The following PRSS23 variants were observed in gnomAD, a reference collection of about 807,000 sequenced individuals.
The protein encoded by PRSS23 is serine protease 23, also known as protease, serine 23.
In PRSS23, 25 loss-of-function variants were observed where a neutral mutation model predicts 34.7. The observed-to-expected ratio is 0.72, with a 90% CI of 0.53 to 1.01. The LOEUF (loss-of-function observed/expected upper bound fraction) is 1.01. Among genes scored for constraint, PRSS23 ranks in the 50% least tolerant of loss-of-function variants. The pLI is 0.00. For synonymous variants in PRSS23, 176 were observed against 186.6 expected (o/e 0.94, Z 0.46); for missense variants, 445 against 475.6 (o/e 0.94, Z 0.60).
At chr11:86,825,999 T>G (rs1948297357) in intron 2 of PRSS23, among the ~76,000 whole-genome samples, 1 of 152,204 alleles carries the variant, frequency 6.6e-6, no homozygotes, top group Non-Finnish European at 1.5e-5. Context: ...TAAAGTAGTT[T>G]TTTCCAATTC....
chr11:86,832,780 C>T lies in PRSS23; in HGVS notation c.206+9187C>T, dbSNP rs146237796. On this transcript the variant is annotated intron_variant, in intron 2 of 2. Transcript: ENST00000533902. ...TCCCACCTGATGATGAAACACTCAG[C>T]ATGGAGGAAACAATTTTATAGTAAG... 1.6e-3 allele frequency: 460 copies of T among 293,974 alleles called. 1 individual carries two copies. Among genetic ancestry groups the T allele is most frequent in the African/African-American group, 9.5e-3 (430 of 45,252 alleles). The allele number at this position is 293,974 out of a possible 1,614,324, so 18.2% of individuals were successfully genotyped here. A position where few individuals can be genotyped will look rare whatever the true frequency, so the allele number is the denominator to read the frequency against.
chr11:86,917,469 T>TGG (rs1949021149), intron 2 of PRSS23, among the ~76,000 whole-genome samples: 1 of 152,236 alleles, frequency 6.6e-6, no homozygotes, highest in Non-Finnish European at 1.5e-5. Flanking sequence ...ATCACTGATT[T>TGG]TCAGTTTCCT....
At chr11:86,875,296 G>A (rs557354056) in intron 2 of PRSS23, among the ~76,000 whole-genome samples, 7 of 152,256 alleles carry the variant, frequency 4.6e-5, no homozygotes, top group Admixed American at 3.9e-4. Flanking sequence ...ACTTGAACCC[G>A]GGAGGTGGAG....
chr11:86,905,605 G>A (rs1356895637), intron 2 of PRSS23, among the ~76,000 whole-genome samples: 1 of 152,222 alleles, frequency 6.6e-6, no homozygotes, highest in Admixed American at 6.5e-5. Flanking sequence ...AAGCTACCCT[G>A]AAAGGCATAA....
chr11:86,892,997 G>A (rs777682106), intron 2 of PRSS23, among the ~76,000 whole-genome samples: 13 of 152,250 alleles, frequency 8.5e-5, no homozygotes, highest in Middle Eastern at 6.8e-3. Context: ...ATATAATTTA[G>A]GTAAAGATCA....
chr11:86,894,005 T>A (rs995692246), intron 2 of PRSS23, among the ~76,000 whole-genome samples: 3 of 152,142 alleles, frequency 2.0e-5, no homozygotes, highest in Non-Finnish European at 2.9e-5. Context: ...CTTCCGTTTT[T>A]GTTTGTTTGT....
intron 1 of PRSS23, chr11:86,821,063 T>C (rs1349711283): frequency 2.9e-5 from 8 of 275,044 alleles, no homozygotes; most frequent in African/African-American, 1.2e-4. Flanking sequence ...GGATACATGA[T>C]TGATGTGTCT....
chr11:86,944,610 C>G (rs1435362102), intron 2 of PRSS23, among the ~76,000 whole-genome samples: 1 of 151,964 alleles, frequency 6.6e-6, no homozygotes, highest in Non-Finnish European at 1.5e-5. Context: ...TTCAGAAATG[C>G]CAGGAGAATA....
At chr11:86,861,077 G>A (rs1948609948) in intron 2 of PRSS23, among the ~76,000 whole-genome samples, 1 of 151,850 alleles carries the variant, frequency 6.6e-6, no homozygotes. Flanking sequence ...TGTTTAACGG[G>A]AAAGATAATA....
intron 2 of PRSS23, among the ~76,000 whole-genome samples, chr11:86,830,896 A>G (rs1053257253): frequency 2.0e-5 from 3 of 151,722 alleles, no homozygotes; most frequent in Admixed American, 2.0e-4. Context: ...ACATCATTTG[A>G]AATATTCTAT....
At chr11:86,797,939 A>C (rs1947991987), upstream of PRSS23, among the ~76,000 whole-genome samples, 1 of 152,248 alleles carries the variant, frequency 6.6e-6, no homozygotes, top group African/African-American at 2.4e-5. Context: ...CCCCATAGTC[A>C]GATGCCACAG....
At chr11:86,903,793 C>G (rs1202207166) in intron 2 of PRSS23, among the ~76,000 whole-genome samples, 1 of 152,066 alleles carries the variant, frequency 6.6e-6, no homozygotes, top group Non-Finnish European at 1.5e-5. Flanking sequence ...TACATATAAT[C>G]TTTTAAAATC....
At chr11:86,888,506 A>C (rs1590914457) in intron 2 of PRSS23, among the ~76,000 whole-genome samples, 1 of 152,338 alleles carries the variant, frequency 6.6e-6, no homozygotes, top group Non-Finnish European at 1.5e-5. Context: ...GGTCCTTTGA[A>C]TTCACATGTC....
rs2135041698 is a variant in PRSS23, at chr11:86,952,260, C to T, written c.*975C>T. The T allele has an allele frequency of 6.2e-7, 1 of 1,614,222 alleles. No individual in the cohort carries two copies. Among genetic ancestry groups the T allele is most frequent in the South Asian group, 1.1e-5 (1 of 91,086 alleles). ...GGGGTTTTGTGAGGTAAGGGCACCTCTTCATCACCTGGCCCTTCCATGCAC... is the reference window on the plus strand; with the variant it reads ...GGGGTTTTGTGAGGTAAGGGCACCTTTTCATCACCTGGCCCTTCCATGCAC... On this transcript the variant is annotated 3_prime_UTR_variant, in exon 3 of 3. Transcript: ENST00000533902.
intron 2 of PRSS23, among the ~76,000 whole-genome samples, chr11:86,895,359 T>C (rs1028595283): frequency 1.3e-5 from 2 of 152,112 alleles, no homozygotes; most frequent in Non-Finnish European, 2.9e-5. Flanking sequence ...AAGGTTATGA[T>C]GACATATGAG....
chr11:86,862,792 C>T (rs1189888206), intron 2 of PRSS23, among the ~76,000 whole-genome samples: 1 of 151,852 alleles, frequency 6.6e-6, no homozygotes, highest in Non-Finnish European at 1.5e-5. Flanking sequence ...AGGGTGTGTA[C>T]ACTCCATGAT....
chr11:86,824,355 TAAAATAAAA>T (rs1386162511), intron 2 of PRSS23, among the ~76,000 whole-genome samples: 1 of 145,644 alleles, frequency 6.9e-6, no homozygotes, highest in Non-Finnish European at 1.5e-5. Context: ...TAAAATAAAA[TAAAATAAAA>T]TAAAATAAAT....
At chr11:86,915,111 A>T (rs780139894) in intron 2 of PRSS23, among the ~76,000 whole-genome samples, 7 of 116,042 alleles carry the variant, frequency 6.0e-5, no homozygotes, top group Non-Finnish European at 1.1e-4. Flanking sequence ...GGAACTTTAA[A>T]ATGGAGAGCG....
chr11:86,802,227 A>C (rs1948048581), intron 1 of PRSS23, among the ~76,000 whole-genome samples: 1 of 152,032 alleles, frequency 6.6e-6, no homozygotes, highest in Non-Finnish European at 1.5e-5. Context: ...GTTTTTTTGC[A>C]CTCTGTTCTT....
Sources: allele counts gnomAD v4.1 joint callset (sites outside exome capture counted in the v4.1 genomes callset), GRCh38; gene constraint gnomAD v4.1.1; transcripts MANE v1.5; gene names NCBI Gene and HGNC (gene_info 2026-07-23, HGNC 2026-07-21).